The following FHIP2A variants were observed in gnomAD, a reference collection of about 807,000 sequenced individuals.
FHIP2A encodes family with sequence similarity 160 member B1.
A neutral mutation model predicts 93.5 loss-of-function variants in FHIP2A; 46 were observed. That is an observed-to-expected ratio of 0.49 (90% confidence interval 0.39 to 0.63). FHIP2A has a LOEUF of 0.63. FHIP2A is among the 20% of genes least tolerant of loss of function. The pLI is 0.00. For synonymous variants in FHIP2A, 332 were observed against 326.5 expected (o/e 1.02, Z -0.18); for missense variants, 769 against 909.7 (o/e 0.85, Z 1.99).
At chr10:114,893,251 T>C (rs2083984504) in intron 16 of FHIP2A, among the ~76,000 whole-genome samples, 1 of 152,214 alleles carries the variant, frequency 6.6e-6, no homozygotes, top group Non-Finnish European at 1.5e-5. Context: ...GATAAACTAT[T>C]GTATTAAGAA....
chr10:114,845,584 A>G, intron 8 of FHIP2A, 103 bp downstream of exon 8: 1 of 699,066 alleles, frequency 1.4e-6, no homozygotes, highest in Non-Finnish European at 2.4e-6. Flanking sequence ...TAATTGTCTT[A>G]GAATACCATG....
chr10:114,861,721 G>A lies in FHIP2A; in HGVS notation c.*181G>A, dbSNP rs984885469. ...TCTTGGTGAAATGTTGTATAATGTT[G>A]TTTTCATTGGCTTTATCATAATGGT... On this transcript the variant is annotated 3_prime_UTR_variant, in exon 17 of 17. Transcript: ENST00000369248. 2.2e-6 allele frequency: 3 copies of A among 1,374,294 alleles called. No individual in the cohort carries two copies. The highest frequency in any genetic ancestry group is 1.5e-5 in the African/African-American group (1 of 67,974). The allele number at this position is 1,374,294 out of a possible 1,614,324, so 85.1% of individuals were successfully genotyped here.
chr10:114,877,831 T>C (rs2143014826), intron 16 of FHIP2A, among the ~76,000 whole-genome samples: 1 of 152,176 alleles, frequency 6.6e-6, no homozygotes, highest in East Asian at 1.9e-4. Context: ...TTTCAAATAA[T>C]AACACCCTTG....
intron 13 of FHIP2A, among the ~76,000 whole-genome samples, chr10:114,853,851 T>C (rs1258023629): frequency 6.6e-6 from 1 of 151,344 alleles, no homozygotes; most frequent in South Asian, 2.1e-4. Context: ...ATACAAAAAT[T>C]AGCTGGACCT....
Position 114,846,704 on chromosome 10 carries a change from A to T in FHIP2A, c.1544A>T (p.Glu515Val), listed in dbSNP as rs2083703542. Residue 515 changes from glutamate (E) to valine (V), a missense_variant, in exon 11 of 17, where the codon GAA becomes GTA. By Grantham distance (121) the Glu-to-Val change is moderately radical (BLOSUM62 -2). Coordinates refer to ENST00000369248, the MANE Select transcript of FHIP2A (RefSeq NM_020940.4). ...TGCCCAGAAGATAAAGATGTGGTAG[A>T]AAATGGATTGATAGCAGGAGCAGTG... ...PLCPEDKDVV[E>V]NGLIAGAVDL... 3.7e-6 allele frequency: 6 copies of T among 1,603,584 alleles called. No homozygotes were observed. In the East Asian group the frequency reaches 1.3e-4, roughly 36 times the overall value.
intron 16 of FHIP2A, among the ~76,000 whole-genome samples, chr10:114,876,145 G>C (rs1230039210): frequency 6.6e-6 from 1 of 152,132 alleles, no homozygotes; most frequent in African/African-American, 2.4e-5. Flanking sequence ...ACTCCCCCCT[G>C]TCTGGTGGCT....
At chr10:114,856,055 CT>C (rs943697941) in intron 14 of FHIP2A, among the ~76,000 whole-genome samples, 1 of 152,156 alleles carries the variant, frequency 6.6e-6, no homozygotes, top group African/African-American at 2.4e-5. Flanking sequence ...AGTGTGGAAA[CT>C]GAGTGGACCA....
At chr10:114,835,506 TC>T in intron 3 of FHIP2A, 30 bp from the exon 4 acceptor site, 1 of 1,348,976 alleles carries the variant, frequency 7.4e-7, no homozygotes, top group South Asian at 1.2e-5. Context: ...TCTGTTGTTT[TC>T]CTGTTGGCTT....
At chr10:114,848,908 C>T (rs572854029) in intron 13 of FHIP2A, among the ~76,000 whole-genome samples, 171 bp downstream of exon 13, 7 of 151,946 alleles carry the variant, frequency 4.6e-5, no homozygotes, top group South Asian at 4.2e-4. Flanking sequence ...TTTGGGAGGC[C>T]GAAGCGGATG....
At chr10:114,835,485 T>C (rs2083631896) in intron 3 of FHIP2A, 52 bp from the exon 4 acceptor site, 1 of 1,073,430 alleles carries the variant, frequency 9.3e-7, no homozygotes, top group South Asian at 1.3e-5. Context: ...TCAGTAAATG[T>C]GTTTGCATTG....
Position 114,862,628 on chromosome 10 carries a change from T to G in FHIP2A, c.*1088T>G. 8 of 985,790 alleles carry G rather than the reference T, an allele frequency of 8.1e-6. No individual in the cohort carries two copies. The highest frequency in any genetic ancestry group is 8.4e-6 in the Non-Finnish European group (7 of 830,068). 61.1% of individuals were successfully genotyped at this position (985,790 alleles called of 1,614,324 possible). A position where few individuals can be genotyped will look rare whatever the true frequency, so the allele number is the denominator to read the frequency against. Reference sequence around the variant, plus strand: ...GAAATTGGGTATGTATGTGAATGGGTGTACATGTAGGAACCTGTAGTTCAG... The same window carrying G: ...GAAATTGGGTATGTATGTGAATGGGGGTACATGTAGGAACCTGTAGTTCAG... On this transcript the variant is annotated 3_prime_UTR_variant, in exon 17 of 17. Transcript: ENST00000369248.
At chr10:114,870,674 T>TA (rs1489147335) in intron 16 of FHIP2A, among the ~76,000 whole-genome samples, 1 of 152,224 alleles carries the variant, frequency 6.6e-6, no homozygotes, top group Non-Finnish European at 1.5e-5. Flanking sequence ...AGATATTCAC[T>TA]AAATCTTGTA....
At chr10:114,833,450 A>G (rs767254075) in intron 3 of FHIP2A, 48 bp downstream of exon 3, 46 of 1,508,384 alleles carry the variant, frequency 3.0e-5, no homozygotes, top group Non-Finnish European at 4.1e-5. Context: ...TACATGCATT[A>G]ATGTCTTACG....
At position 114,837,517 on chromosome 10, in the gene FHIP2A, A is replaced by G. The variant is rs140021643; in HGVS notation, c.522+1271A>G. ...GCAACAGTGTGAGACTCCGTCTCAA[A>G]TAATACAAAATACATAAATAAATTT... On this transcript the variant is annotated intron_variant, in intron 5 of 16. Transcript: ENST00000369248. Among the ~76,000 whole-genome samples, 619 of 152,342 alleles carry G rather than the reference A, an allele frequency of 4.1e-3. 3 individuals carry two copies. Among genetic ancestry groups the G allele is most frequent in the African/African-American group, 0.014 (578 of 41,588 alleles).
At chr10:114,846,516 G>A in intron 10 of FHIP2A, 43 bp from the exon 11 acceptor site, 2 of 1,526,782 alleles carry the variant, frequency 1.3e-6, no homozygotes, top group Non-Finnish European at 1.8e-6. Context: ...AGTAACTTAT[G>A]TAAAGACATT....
At chr10:114,898,502 C>T (rs1389123159) in intron 16 of FHIP2A, among the ~76,000 whole-genome samples, 3 of 152,134 alleles carry the variant, frequency 2.0e-5, no homozygotes, top group Non-Finnish European at 4.4e-5. Flanking sequence ...ATCTACTGGG[C>T]AACAGGCACA....
rs189293835 is a variant in FHIP2A at position 114,894,366 on chromosome 10, C to G, written c.2193-5124C>G. On this transcript the variant is annotated intron_variant, in intron 16 of 16. Coordinates refer to the FHIP2A transcript ENST00000369250. ...TTGAGCCCAGGAGTTCAAGACCAGC[C>G]TGGGCAACACAGCAAAACCCCATCT... Among the ~76,000 whole-genome samples, 387 of 142,314 alleles carry G rather than the reference C, an allele frequency of 2.7e-3. 1 individual carries two copies. The highest frequency in any genetic ancestry group is 9.1e-3 in the African/African-American group (342 of 37,620). The allele number at this position is 142,314 out of a possible 152,430, so 93.4% of individuals were successfully genotyped here. A position where few individuals can be genotyped will look rare whatever the true frequency, so the allele number is the denominator to read the frequency against.
chr10:114,876,737 G>A (rs532337439), intron 16 of FHIP2A, among the ~76,000 whole-genome samples: 1 of 152,244 alleles, frequency 6.6e-6, no homozygotes, highest in South Asian at 2.1e-4. Flanking sequence ...CAGCTCCTGG[G>A]GCCAGGGCTC....
At chr10:114,824,579 A>G (rs887827778) in intron 1 of FHIP2A, among the ~76,000 whole-genome samples, 2 of 152,234 alleles carry the variant, frequency 1.3e-5, no homozygotes, top group Admixed American at 6.5e-5. Context: ...TTGATGTTCT[A>G]TACTAACCTT....
Sources: allele counts gnomAD v4.1 joint callset (sites outside exome capture counted in the v4.1 genomes callset), GRCh38; gene constraint gnomAD v4.1.1; transcripts MANE v1.5; gene names NCBI Gene and HGNC (gene_info 2026-07-23, HGNC 2026-07-21).